KCNMA1: variants seen among roughly 807,000 people sequenced by gnomAD.
The protein encoded by KCNMA1 is potassium calcium-activated channel subfamily M alpha 1.
In KCNMA1, 29 loss-of-function variants were observed where a neutral mutation model predicts 140.0. The observed-to-expected ratio is 0.21, with a 90% CI of 0.15 to 0.28. The LOEUF (loss-of-function observed/expected upper bound fraction) is 0.28, where lower values mean the gene tolerates loss of function less well. Among genes scored for constraint, KCNMA1 ranks in the 10% least tolerant of loss-of-function variants. The pLI, the probability that KCNMA1 is intolerant of heterozygous loss-of-function variation, is 1.00. For synonymous variants in KCNMA1, 612 were observed against 611.9 expected (o/e 1.00, Z 0.00); for missense variants, 880 against 1,602.2 (o/e 0.55, Z 7.70).
At chr10:77,117,106 T>C (rs1412043440) in intron 6 of KCNMA1, among the ~76,000 whole-genome samples, 1 of 152,216 alleles carries the variant, frequency 6.6e-6, no homozygotes, top group Non-Finnish European at 1.5e-5. Context: ...CGATGACTCA[T>C]GCATATCATG....
chr10:77,180,993 T>G (rs929777980), intron 5 of KCNMA1, among the ~76,000 whole-genome samples: 1 of 152,112 alleles, frequency 6.6e-6, no homozygotes, highest in East Asian at 1.9e-4. Flanking sequence ...CTAAAATGCT[T>G]CAGGGAACGT....
intron 12 of KCNMA1, among the ~76,000 whole-genome samples, chr10:77,083,819 T>C (rs1206173835): frequency 1.8e-5 from 2 of 112,248 alleles, no homozygotes; most frequent in African/African-American, 7.1e-5. Context: ...TGGGCGATAG[T>C]GCGAGACTCT....
intron 1 of KCNMA1, among the ~76,000 whole-genome samples, chr10:77,441,654 A>G (rs1463245003): frequency 6.6e-6 from 1 of 152,122 alleles, no homozygotes; most frequent in African/African-American, 2.4e-5. Context: ...GAAATGAAGC[A>G]TGAACATCAA....
downstream of KCNMA1, among the ~76,000 whole-genome samples, chr10:76,880,056 G>A (rs1477014405): frequency 1.3e-5 from 2 of 152,306 alleles, no homozygotes; most frequent in African/African-American, 4.8e-5. Context: ...GACATGCCAG[G>A]TTGGAAGAGT....
rs573980635 is a variant in KCNMA1, at chr10:77,176,852, G to A, written c.808+6569C>T. 1.6e-3 allele frequency among the ~76,000 whole-genome samples: 251 copies of A among 152,318 alleles called. 3 individuals carry two copies. The highest frequency in any genetic ancestry group is 5.7e-3 in the African/African-American group (237 of 41,574). The stretch of plus-strand genomic sequence containing the variant: ...ATCTACATGCCAGAAGGAAATGAAC[G>A]CAGCAGGCAAATTAAGGTTGCTGAT... On this transcript the variant is annotated intron_variant, in intron 5 of 27. Coordinates refer to ENST00000286628, the MANE Select transcript of KCNMA1 (RefSeq NM_001161352.2).
At chr10:77,376,872 A>G (rs1002907478) in intron 2 of KCNMA1, among the ~76,000 whole-genome samples, 21 of 152,286 alleles carry the variant, frequency 1.4e-4, no homozygotes, top group African/African-American at 5.1e-4. Context: ...CAAGAGGCAG[A>G]GGTTGTAGTG....
intron 1 of KCNMA1, among the ~76,000 whole-genome samples, chr10:77,473,232 T>G (rs991100205): frequency 6.6e-6 from 1 of 152,208 alleles, no homozygotes; most frequent in Admixed American, 6.5e-5. Context: ...ACTGGCCAAC[T>G]TTCATCTCAA....
At chr10:77,356,204 C>T (rs2154395671) in intron 2 of KCNMA1, among the ~76,000 whole-genome samples, 1 of 152,236 alleles carries the variant, frequency 6.6e-6, no homozygotes, top group Non-Finnish European at 1.5e-5. Context: ...GGTTGCATGG[C>T]CTTTAACAAG....
rs368960323 is a variant in KCNMA1 at position 77,271,849 on chromosome 10, G to A, written c.541-20593C>T. ...CCCCACACCCTGGGGGAAAAAAAAA[G>A]CTCAGATACTCTGAAATGTTCTAGA... On this transcript the variant is annotated intron_variant, in intron 2 of 27. Coordinates refer to ENST00000286628, the MANE Select transcript of KCNMA1 (RefSeq NM_001161352.2). 7.2e-5 allele frequency among the ~76,000 whole-genome samples: 11 copies of A among 152,230 alleles called. No homozygotes were observed. The East Asian group carries it at 9.7e-4, about 13-fold the overall frequency.
chr10:76,878,727 G>GT (rs2033221612), intron 29 of KCNMA1, among the ~76,000 whole-genome samples: 1 of 152,124 alleles, frequency 6.6e-6, no homozygotes, highest in Non-Finnish European at 1.5e-5. Flanking sequence ...GAGTCAGGGC[G>GT]TTTGGGGGCT....
At chr10:76,874,791 AG>A (rs2032055713), downstream of KCNMA1, 2 of 152,366 alleles carry the variant, frequency 1.3e-5, no homozygotes, top group East Asian at 3.9e-4. Context: ...TAATGGTTCA[AG>A]ATGATATTCT....
intron 1 of KCNMA1, among the ~76,000 whole-genome samples, chr10:77,626,469 CT>C (rs1191223224): frequency 6.6e-6 from 1 of 152,164 alleles, no homozygotes; most frequent in Non-Finnish European, 1.5e-5. Flanking sequence ...ATAAAAATCC[CT>C]AGCACTTGGG....
Position 77,587,122 on chromosome 10 carries a change from A to G in KCNMA1, c.378+50143T>C, listed in dbSNP as rs867147053. ...CAGCTAAGCAGGGTCTGGCCCAGTTAATACTTGGATGGAAGAAACAACTTT... is the reference window on the plus strand; with the variant it reads ...CAGCTAAGCAGGGTCTGGCCCAGTTGATACTTGGATGGAAGAAACAACTTT... On this transcript the variant is annotated intron_variant, in intron 1 of 27. Transcript: ENST00000286628. 3.7e-4 allele frequency: 56 copies of G among 152,166 alleles called. 1 individual carries two copies. The highest frequency in any genetic ancestry group is 1.3e-3 in the African/African-American group (54 of 41,432). 9.4% of individuals were successfully genotyped at this position (152,166 alleles called of 1,614,324 possible). A position where few individuals can be genotyped will look rare whatever the true frequency, so the allele number is the denominator to read the frequency against.
At chr10:77,438,506 T>G (rs536812165) in intron 1 of KCNMA1, among the ~76,000 whole-genome samples, 1 of 150,086 alleles carries the variant, frequency 6.7e-6, no homozygotes, top group South Asian at 2.1e-4. Flanking sequence ...GAGGCTGCAG[T>G]GAGCCGAGAT....
chr10:76,947,437 C>T (rs971279350), intron 22 of KCNMA1, among the ~76,000 whole-genome samples: 1 of 152,096 alleles, frequency 6.6e-6, no homozygotes, highest in African/African-American at 2.4e-5. Context: ...AAATATCACA[C>T]ATATACCCAT....
intron 23 of KCNMA1, among the ~76,000 whole-genome samples, chr10:76,930,803 T>C (rs1006403516): frequency 1.3e-5 from 2 of 152,148 alleles, no homozygotes; most frequent in African/African-American, 4.8e-5. Context: ...TGGAATATTA[T>C]TCAGCCATAA....
intron 2 of KCNMA1, among the ~76,000 whole-genome samples, chr10:77,327,126 G>T (rs1261997424): frequency 6.6e-6 from 1 of 151,882 alleles, no homozygotes; most frequent in South Asian, 2.1e-4. Context: ...CCTAGCAGTG[G>T]GTTAGCAGCA....
In KCNMA1 at chr10:77,037,082, T is replaced by C. The variant is rs142079961; in HGVS notation, c.1859+2446A>G. Among the ~76,000 whole-genome samples, 35 of 152,316 alleles carry C rather than the reference T, an allele frequency of 2.3e-4. No individual in the cohort carries two copies. In the East Asian group the frequency reaches 4.8e-3, roughly 21 times the overall value. Reference sequence around the variant, plus strand: ...CTAAATTATCTGACAACAATTTGTCTCCTTCTTGGGACATGTTCTAAATAC... The same window carrying C: ...CTAAATTATCTGACAACAATTTGTCCCCTTCTTGGGACATGTTCTAAATAC... On this transcript the variant is annotated intron_variant, in intron 15 of 27. Transcript: ENST00000286628.
At chr10:77,450,605 C>T (rs928925987) in intron 1 of KCNMA1, among the ~76,000 whole-genome samples, 37 of 152,192 alleles carry the variant, frequency 2.4e-4, no homozygotes, top group African/African-American at 7.9e-4. Flanking sequence ...AAAAAGCCTC[C>T]TTTTCAAAAC....
Sources: allele counts gnomAD v4.1 joint callset (sites outside exome capture counted in the v4.1 genomes callset), GRCh38; gene constraint gnomAD v4.1.1; transcripts MANE v1.5; gene names NCBI Gene and HGNC (gene_info 2026-07-23, HGNC 2026-07-21).